Variants in WWP2 observed in about 807,000 individuals in gnomAD.
WWP2 encodes the protein NEDD4-like E3 ubiquitin-protein ligase WWP2.
In WWP2, 57 loss-of-function variants were observed where a neutral mutation model predicts 121.0. The observed-to-expected ratio is 0.47, with a 90% CI of 0.38 to 0.59. The LOEUF (loss-of-function observed/expected upper bound fraction) is 0.59, where lower values mean the gene tolerates loss of function less well. Among genes scored for constraint, WWP2 ranks in the 20% least tolerant of loss-of-function variants. The pLI, the probability that WWP2 is intolerant of heterozygous loss-of-function variation, is 0.00. For synonymous variants in WWP2, 449 were observed against 441.3 expected, an observed-to-expected ratio of 1.02 and a Z score of -0.22; for missense variants, 962 against 1,158.9, an observed-to-expected ratio of 0.83 and a Z score of 2.47.
At chr16:69,901,720 A>G (rs2058208468) in intron 8 of WWP2, among the ~76,000 whole-genome samples, 1 of 152,210 alleles carries the variant, frequency 6.6e-6, no homozygotes, top group African/African-American at 2.4e-5. Flanking sequence ...GAATAATACA[A>G]GCTGATAATG....
At chr16:69,936,014 G>A (rs79232673) in intron 18 of WWP2, 28 bp downstream of exon 18, 20,778 of 1,609,090 alleles carry the variant, frequency 0.013, 170 homozygotes, top group Non-Finnish European at 0.015. Flanking sequence ...TTGCCCCACC[G>A]CGCTGATAGG....
chr16:69,843,427 C>A (rs576108508), intron 6 of WWP2, among the ~76,000 whole-genome samples: 1 of 152,080 alleles, frequency 6.6e-6, no homozygotes, highest in African/African-American at 2.4e-5. Flanking sequence ...GGGTTGGCAC[C>A]TTTGTTTATT....
At chr16:69,779,531 T>C (rs2055618616) in intron 1 of WWP2, among the ~76,000 whole-genome samples, 1 of 152,228 alleles carries the variant, frequency 6.6e-6, no homozygotes, top group Non-Finnish European at 1.5e-5. Flanking sequence ...ATTGTTTTAG[T>C]TTTGCGGCCC....
chr16:69,816,040 AG>A (rs2056483382), intron 4 of WWP2, among the ~76,000 whole-genome samples: 2 of 152,148 alleles, frequency 1.3e-5, no homozygotes, highest in Non-Finnish European at 2.9e-5. Flanking sequence ...AAGGGACAAA[AG>A]TAAAAGACAG....
At chr16:69,794,044 A>G (rs1157662468) in intron 2 of WWP2, among the ~76,000 whole-genome samples, 1 of 149,288 alleles carries the variant, frequency 6.7e-6, no homozygotes, top group Non-Finnish European at 1.5e-5. Context: ...TAGCCTCCTG[A>G]ATAGCTGGAA....
chr16:69,764,080 G>A (rs1250325060), intron 1 of WWP2, among the ~76,000 whole-genome samples: 1 of 152,206 alleles, frequency 6.6e-6, no homozygotes, highest in African/African-American at 2.4e-5. Flanking sequence ...CACATGAAGA[G>A]ACTGAGGCTT....
intron 6 of WWP2, among the ~76,000 whole-genome samples, chr16:69,854,852 C>G (rs1409943174): frequency 1.3e-5 from 2 of 151,640 alleles, no homozygotes; most frequent in African/African-American, 4.8e-5. Flanking sequence ...CGCCTAGCCT[C>G]TTTTTTGTTT....
intron 11 of WWP2, among the ~76,000 whole-genome samples, chr16:69,926,640 C>G (rs1349656923): frequency 1.3e-5 from 2 of 152,112 alleles, no homozygotes. Context: ...GAAGGGCCTT[C>G]TGGTCCTTCT....
chr16:69,846,648 G>A (rs1024517782), intron 6 of WWP2, among the ~76,000 whole-genome samples: 1 of 151,872 alleles, frequency 6.6e-6, no homozygotes, highest in African/African-American at 2.4e-5. Context: ...TTGAACCCCC[G>A]AGGTGGAGGT....
At chr16:69,892,640 C>T (rs1007121690) in intron 8 of WWP2, among the ~76,000 whole-genome samples, 15 of 152,076 alleles carry the variant, frequency 9.9e-5, no homozygotes, top group Admixed American at 4.6e-4. Flanking sequence ...CTCAAGTGAT[C>T]CTCCCACCTC....
intron 6 of WWP2, among the ~76,000 whole-genome samples, chr16:69,865,280 C>A (rs2057500123): frequency 6.6e-6 from 1 of 151,836 alleles, no homozygotes; most frequent in Non-Finnish European, 1.5e-5. Flanking sequence ...GAACTCCCGA[C>A]CTCAGGTGAT....
At chr16:69,919,141 A>G (rs2058518694) in intron 10 of WWP2, among the ~76,000 whole-genome samples, 1 of 150,654 alleles carries the variant, frequency 6.6e-6, no homozygotes, top group East Asian at 2.0e-4. Flanking sequence ...ACCATCCCCG[A>G]CCACATTTAA....
chr16:69,806,772 C>T (rs1357197211), intron 4 of WWP2, among the ~76,000 whole-genome samples: 3 of 151,682 alleles, frequency 2.0e-5, no homozygotes, highest in Non-Finnish European at 4.4e-5. Flanking sequence ...TGTGTGTTTC[C>T]CCAGTTTTTT....
chr16:69,912,373 AC>A lies in WWP2; in HGVS notation c.1004+3524del, dbSNP rs1456537755. Among the ~76,000 whole-genome samples the A allele has an allele frequency of 8.2e-4, 11 of 13,344 alleles. No homozygotes were observed. The South Asian group carries it at 0.023, about 28-fold the overall frequency. 8.8% of individuals were successfully genotyped at this position (13,344 alleles called of 152,430 possible). On this transcript the variant is annotated intron_variant, in intron 9 of 23. Coordinates refer to ENST00000359154, the MANE Select transcript of WWP2 (RefSeq NM_001270454.2). The stretch of plus-strand genomic sequence containing the variant: ...AGTTTGTGCAGGGAGTTAGATTCAC[AC>A]ACACACACACACACACACACACACA...
At chr16:69,909,191 A>G (rs912507865) in intron 9 of WWP2, 5 of 1,025,122 alleles carry the variant, frequency 4.9e-6, no homozygotes, top group Non-Finnish European at 4.7e-6. Context: ...TCCAAAACCA[A>G]AGGATGAGAG....
rs186386440 is a variant in WWP2 at position 69,935,130 on chromosome 16, G to C, written c.1843-723G>C. 1.3e-3 allele frequency among the ~76,000 whole-genome samples: 200 copies of C among 152,304 alleles called. 1 individual carries two copies. Among genetic ancestry groups the C allele is most frequent in the African/African-American group, 4.5e-3 (187 of 41,562 alleles). ...GCGGAGCCCGTGGGAGGCACAGCGC[G>C]GGAGCCACATGCATAGCTGGAGATG... On this transcript the variant is annotated intron_variant, in intron 17 of 23. Transcript: ENST00000359154. This position sits in a 1 kb window ranked among gnomAD's most constrained non-coding sequence, Gnocchi z 5.2.
intron 4 of WWP2, among the ~76,000 whole-genome samples, chr16:69,814,628 A>C (rs1596986207): frequency 6.6e-6 from 1 of 152,334 alleles, no homozygotes; most frequent in South Asian, 2.1e-4. Context: ...CAAAAAGAGA[A>C]AGAAAAAGAA....
chr16:69,812,962 T>A (rs2056422906), intron 4 of WWP2, among the ~76,000 whole-genome samples: 1 of 152,206 alleles, frequency 6.6e-6, no homozygotes, highest in African/African-American at 2.4e-5. Flanking sequence ...CCTGCTAGTT[T>A]CTGCATCCGG....
At chr16:69,762,987 C>T (rs542844237) in intron 1 of WWP2, among the ~76,000 whole-genome samples, 27 of 152,260 alleles carry the variant, frequency 1.8e-4, no homozygotes, top group African/African-American at 6.3e-4. Flanking sequence ...GTTTCCACTT[C>T]TTGGGAGCCT....
Sources: gnomAD v4.1 joint callset for allele counts (sites outside exome capture counted in the v4.1 genomes callset) on GRCh38, gnomAD v4.1.1 for gene constraint, Gnocchi (gnomAD v3.1) non-coding constraint, MANE v1.5 for transcripts, NCBI Gene and HGNC (gene_info 2026-07-23, HGNC 2026-07-21) for gene names.